CDKN2B-AS1: variants seen among roughly 807,000 people sequenced by gnomAD.
The protein encoded by CDKN2B-AS1 is CDKN2B and CDKN2A antisense cis and trans regulatory RNA 1.
intron 1 of CDKN2B-AS1, among the ~76,000 whole-genome samples, chr9:22,036,472 A>G (rs1822693232): frequency 6.6e-6 from 1 of 152,152 alleles, no homozygotes; most frequent in Non-Finnish European, 1.5e-5. Flanking sequence ...ATCAAATAAC[A>G]AAGTTAGTCT....
intron 1 of CDKN2B-AS1, among the ~76,000 whole-genome samples, chr9:22,029,226 G>T (rs1822366080): frequency 6.6e-6 from 1 of 152,238 alleles, no homozygotes; most frequent in East Asian, 1.9e-4. Context: ...AATAGTCTCA[G>T]GATATCACTC....
intron 1 of CDKN2B-AS1, among the ~76,000 whole-genome samples, chr9:22,033,505 C>T (rs1822562088): frequency 6.6e-6 from 1 of 152,122 alleles, no homozygotes; most frequent in South Asian, 2.1e-4. Flanking sequence ...GGCAGACTTA[C>T]CCTGAAACCT....
chr9:22,016,815 T>A (rs1348449519), intron 1 of CDKN2B-AS1, among the ~76,000 whole-genome samples: 1 of 152,106 alleles, frequency 6.6e-6, no homozygotes, highest in African/African-American at 2.4e-5. Context: ...GATTAAAGAG[T>A]CGTAGCATCT....
intron 1 of CDKN2B-AS1, among the ~76,000 whole-genome samples, chr9:22,016,156 A>T (rs1352375154): frequency 1.3e-5 from 2 of 152,144 alleles, no homozygotes; most frequent in African/African-American, 4.8e-5. Context: ...TGTTTTAGAC[A>T]TGAAGTCCTT....
At chr9:22,008,600 A>T in intron 1 of CDKN2B-AS1, 1 of 1,496,788 alleles carries the variant, frequency 6.7e-7, no homozygotes. Context: ...AAAAAAGCTT[A>T]AACAGTGGGT....
At chr9:22,080,906 T>G (rs1824669767) in intron 4 of CDKN2B-AS1, among the ~76,000 whole-genome samples, 1 of 152,202 alleles carries the variant, frequency 6.6e-6, no homozygotes. Flanking sequence ...TTCTTTTTAT[T>G]TGAAATATTT....
chr9:22,011,998 G>A (rs964181144), intron 1 of CDKN2B-AS1, among the ~76,000 whole-genome samples: 16 of 152,244 alleles, frequency 1.1e-4, no homozygotes, highest in East Asian at 5.8e-4. Context: ...GGAATGAGTG[G>A]CATCCATTCC....
chr9:22,085,555 C>T lies in CDKN2B-AS1; in HGVS notation n.438+29168C>T, dbSNP rs552555820. 2.4e-4 allele frequency among the ~76,000 whole-genome samples: 36 copies of T among 152,136 alleles called. No homozygotes were observed. The South Asian group carries it at 6.6e-3, about 28-fold the overall frequency. ...CTAACACGGTGAAACCCCGTCTCTA[C>T]TAAAAAATACAAAAAATTAGCCAGG... On this transcript the variant is annotated intron_variant and non_coding_transcript_variant, in intron 4 of 4. Coordinates refer to ENST00000650946, the Ensembl canonical transcript of CDKN2B-AS1.
chr9:22,073,162 C>T (rs886310551), intron 4 of CDKN2B-AS1, among the ~76,000 whole-genome samples: 1 of 151,998 alleles, frequency 6.6e-6, no homozygotes, highest in Non-Finnish European at 1.5e-5. Context: ...ACCTAGGAAA[C>T]CAATATTTGT....
chr9:22,017,109 T>G (rs1020922164), intron 1 of CDKN2B-AS1, among the ~76,000 whole-genome samples: 15 of 152,222 alleles, frequency 9.9e-5, no homozygotes, highest in Non-Finnish European at 2.1e-4. Flanking sequence ...ACTGGTTTTA[T>G]TTTTAGTGGG....
intron 4 of CDKN2B-AS1, among the ~76,000 whole-genome samples, chr9:22,098,069 A>G (rs923457120): frequency 6.6e-6 from 1 of 152,174 alleles, no homozygotes; most frequent in Non-Finnish European, 1.5e-5. Context: ...AGAGGCTCAT[A>G]AAGTCCATTT....
chr9:22,094,919 CT>C (rs1317511861), intron 4 of CDKN2B-AS1, among the ~76,000 whole-genome samples: 2 of 144,284 alleles, frequency 1.4e-5, no homozygotes, highest in Non-Finnish European at 2.9e-5. Context: ...TTTTTCTGCT[CT>C]GTTTTTTCCC....
chr9:22,094,990 G>C (rs1260108413), intron 4 of CDKN2B-AS1, among the ~76,000 whole-genome samples: 3 of 144,688 alleles, frequency 2.1e-5, no homozygotes. Context: ...ATGGGGTTTT[G>C]GTGTGGATGT....
At position 22,069,484 on chromosome 9, in the gene CDKN2B-AS1, A is replaced by G. The variant is rs548961764; in HGVS notation, n.438+13097A>G. On this transcript the variant is annotated intron_variant and non_coding_transcript_variant, in intron 4 of 4. Coordinates refer to ENST00000650946, the Ensembl canonical transcript of CDKN2B-AS1. ...GATTCACTGAGAGATATACGATTGTATAAGTATTGAGAAACAGTCTTTCTT... is the reference window on the plus strand; with the variant it reads ...GATTCACTGAGAGATATACGATTGTGTAAGTATTGAGAAACAGTCTTTCTT... 2.6e-5 allele frequency among the ~76,000 whole-genome samples: 4 copies of G among 152,338 alleles called. 1 individual carries two copies. The South Asian group carries it at 6.2e-4, about 24-fold the overall frequency.
intron 4 of CDKN2B-AS1, among the ~76,000 whole-genome samples, chr9:22,124,727 C>CA (rs1210320803): frequency 6.6e-6 from 1 of 152,166 alleles, no homozygotes; most frequent in African/African-American, 2.4e-5. Flanking sequence ...GGAGTCTAGC[C>CA]ATGTCAGGGC....
intron 4 of CDKN2B-AS1, among the ~76,000 whole-genome samples, chr9:22,100,977 G>A (rs1281190601): frequency 6.6e-6 from 1 of 152,062 alleles, no homozygotes; most frequent in Non-Finnish European, 1.5e-5. Flanking sequence ...TGAATATTTT[G>A]CCCAATTTAA....
intron 4 of CDKN2B-AS1, among the ~76,000 whole-genome samples, chr9:22,065,325 C>T (rs1475118845): frequency 1.3e-5 from 2 of 152,164 alleles, no homozygotes; most frequent in African/African-American, 4.8e-5. Flanking sequence ...GACTGACATG[C>T]CCTAAGCAAA....
rs1463889700 is a variant in CDKN2B-AS1 at position 21,996,421 on chromosome 9, T to C, written n.29+1260T>C. On this transcript the variant is annotated intron_variant and non_coding_transcript_variant, in intron 1 of 4. Coordinates refer to ENST00000650946, the Ensembl canonical transcript of CDKN2B-AS1. The surrounding 1 kb of genome is among the most constrained non-coding windows in gnomAD (Gnocchi z 5.4). ...CTTTCTGTCTAGTATGGCTGCTCTT[T>C]CTCCCTCTTCGCAAATATAGCTCTT... is the stretch of plus-strand genomic sequence containing the variant. Among the ~76,000 whole-genome samples, 1 of 152,158 alleles carries C rather than the reference T, an allele frequency of 6.6e-6. No homozygotes were observed. The highest frequency in any genetic ancestry group is 2.4e-5 in the African/African-American group (1 of 41,418).
chr9:22,008,231 A>G (rs1441090368), intron 1 of CDKN2B-AS1, among the ~76,000 whole-genome samples: 1 of 152,216 alleles, frequency 6.6e-6, no homozygotes, highest in Non-Finnish European at 1.5e-5. Flanking sequence ...AGAAACCTAT[A>G]GAACTATATA....
Sources: allele counts gnomAD v4.1 joint callset (sites outside exome capture counted in the v4.1 genomes callset), GRCh38; gene constraint gnomAD v4.1.1; non-coding constraint Gnocchi (gnomAD v3.1); transcripts MANE v1.5; gene names NCBI Gene and HGNC (gene_info 2026-07-23, HGNC 2026-07-21).